GABRG2: variants seen among roughly 807,000 people sequenced by gnomAD.
GABRG2 encodes the protein gamma-aminobutyric acid type A receptor subunit gamma2, also known as gamma-aminobutyric acid receptor subunit gamma-2.
GABRG2 carries 16 observed loss-of-function variants against 56.4 expected under a neutral mutation model. The ratio of observed to expected loss-of-function variants is 0.28; its 90% CI spans 0.19 to 0.43. GABRG2 has a LOEUF of 0.43. Among genes scored for constraint, GABRG2 ranks in the 20% least tolerant of loss-of-function variants. The probability of loss-of-function intolerance (pLI) is 1.00; values close to 1 mark genes in which losing one functional copy is unlikely to be tolerated. For synonymous variants in GABRG2, 208 were observed against 205.5 expected, an observed-to-expected ratio of 1.01 and a Z score of -0.10; for missense variants, 327 against 582.7, an observed-to-expected ratio of 0.56 and a Z score of 4.52.
intron 6 of GABRG2, among the ~76,000 whole-genome samples, chr5:162,105,814 T>TACACACACACACAC (rs67276484): frequency 0.014 from 2,024 of 147,546 alleles, 53 homozygotes; most frequent in African/African-American, 0.047. Context: ...AGAAAACACA[T>TACACACACACACAC]ACACACACAC....
chr5:162,146,944 G>A (rs1402061225), intron 7 of GABRG2, among the ~76,000 whole-genome samples: 1 of 152,210 alleles, frequency 6.6e-6, no homozygotes, highest in Admixed American at 6.5e-5. Context: ...TCTTGGAAAT[G>A]TAGCTGAACT....
intron 6 of GABRG2, among the ~76,000 whole-genome samples, chr5:162,107,013 G>A (rs59516572): frequency 0.13 from 19,258 of 151,844 alleles, 1,335 homozygotes; most frequent in African/African-American, 0.18. Context: ...CCCAACCTCT[G>A]CCTTCCCAAA....
In GABRG2 at chr5:162,154,229, T is replaced by A. The variant is rs1765568845; in HGVS notation, c.*861T>A. 6.6e-6 allele frequency: 1 copy of A among 152,128 alleles called. No individual in the cohort carries two copies. The highest frequency in any genetic ancestry group is 2.4e-5 in the African/African-American group (1 of 41,460). The allele number at this position is 152,128 out of a possible 1,614,324, so 9.4% of individuals were successfully genotyped here. ...ATTTCATAACTAGAGTATAAAGTAA[T>A]TGTATGTGCTTGCCGCTATTTTTTT... On this transcript the variant is annotated 3_prime_UTR_variant, in exon 10 of 10. Coordinates refer to ENST00000639213, the MANE Select transcript of GABRG2 (RefSeq NM_198904.4).
At chr5:162,100,159 T>C (rs1761308532) in intron 4 of GABRG2, 1 of 152,092 alleles carries the variant, frequency 6.6e-6, no homozygotes, top group Admixed American at 6.6e-5. Context: ...ATAATAATAC[T>C]TATTAAATGA....
At chr5:162,140,178 C>T (rs1764451122) in intron 6 of GABRG2, among the ~76,000 whole-genome samples, 1 of 152,188 alleles carries the variant, frequency 6.6e-6, no homozygotes, top group Admixed American at 6.5e-5. Flanking sequence ...TCTTTAGGCA[C>T]AGTTGCTAGA....
chr5:162,131,381 T>C (rs1287849622), intron 6 of GABRG2, among the ~76,000 whole-genome samples: 1 of 152,052 alleles, frequency 6.6e-6, no homozygotes, highest in African/African-American at 2.4e-5. Flanking sequence ...CAAATGTTCC[T>C]GATTGAAGAA....
At chr5:162,072,363 TC>T (rs2113118929) in intron 1 of GABRG2, among the ~76,000 whole-genome samples, 1 of 152,116 alleles carries the variant, frequency 6.6e-6, no homozygotes, top group Non-Finnish European at 1.5e-5. Flanking sequence ...TACATACTTA[TC>T]GTTCTCCAAA....
intron 5 of GABRG2, chr5:162,103,650 G>A (rs1761599460): frequency 3.7e-6 from 2 of 542,158 alleles, no homozygotes; most frequent in South Asian, 4.1e-5. Flanking sequence ...TACCTTCTAT[G>A]TCATTTAAAT....
chr5:162,101,773 A>G (rs1761436631), intron 5 of GABRG2: 4 of 165,338 alleles, frequency 2.4e-5, no homozygotes, highest in African/African-American at 9.6e-5. Flanking sequence ...TACTTGACAC[A>G]CATAAGATCA....
chr5:162,148,602 C>A (rs576190313), intron 7 of GABRG2, among the ~76,000 whole-genome samples: 1 of 152,190 alleles, frequency 6.6e-6, no homozygotes, highest in East Asian at 1.9e-4. Flanking sequence ...TCCCCTTGTC[C>A]CTTCCCAGGT....
intron 6 of GABRG2, among the ~76,000 whole-genome samples, chr5:162,136,590 A>G (rs1213659113): frequency 6.6e-6 from 1 of 152,024 alleles, no homozygotes; most frequent in Admixed American, 6.6e-5. Flanking sequence ...ATAAAGATGG[A>G]AAAATCATAG....
chr5:162,072,943 A>G lies in GABRG2; in HGVS notation c.107+4837A>G, dbSNP rs369172997. ...AATAACTTGGGTTTTTAGATCTGTC[A>G]ATATTATCTTATGTGTTTTTTTAAT... On this transcript the variant is annotated intron_variant, in intron 1 of 9. Transcript: ENST00000639213. Among the ~76,000 whole-genome samples, 3 of 151,976 alleles carry G rather than the reference A, an allele frequency of 2.0e-5. No individual in the cohort carries two copies. The East Asian group carries it at 5.8e-4, about 29-fold the overall frequency.
At chr5:162,105,843 A>ACACC (rs1231359602) in intron 6 of GABRG2, among the ~76,000 whole-genome samples, 5 of 150,650 alleles carry the variant, frequency 3.3e-5, no homozygotes, top group Non-Finnish European at 5.9e-5. Flanking sequence ...ACACACACAC[A>ACACC]CCACGTAAAA....
chr5:162,084,473 C>T (rs1332133011), intron 1 of GABRG2, among the ~76,000 whole-genome samples: 1 of 151,860 alleles, frequency 6.6e-6, no homozygotes, highest in Non-Finnish European at 1.5e-5. Flanking sequence ...CTATCATACT[C>T]TCTTGCAGTA....
chr5:162,101,110 A>T, intron 4 of GABRG2, 125 bp from the exon 5 acceptor site: 1 of 727,360 alleles, frequency 1.4e-6, no homozygotes, highest in Non-Finnish European at 2.4e-6. Context: ...TTCATTGGGG[A>T]TCACTCTGTG....
chr5:162,069,699 T>G (rs573844105), intron 1 of GABRG2, among the ~76,000 whole-genome samples: 3 of 152,346 alleles, frequency 2.0e-5, no homozygotes, highest in Admixed American at 2.0e-4. Context: ...TCAGTAGCTT[T>G]CTCAGAATAT....
intron 6 of GABRG2, among the ~76,000 whole-genome samples, chr5:162,138,505 G>A (rs1225295637): frequency 6.6e-6 from 1 of 152,112 alleles, no homozygotes; most frequent in Non-Finnish European, 1.5e-5. Flanking sequence ...AATCAGTTAT[G>A]AGGCCCCCTA....
chr5:162,144,256 G>A (rs1422136628), intron 7 of GABRG2, among the ~76,000 whole-genome samples: 1 of 152,158 alleles, frequency 6.6e-6, no homozygotes, highest in Non-Finnish European at 1.5e-5. Flanking sequence ...TATGGCTGGA[G>A]CAAATACATT....
At chr5:162,086,189 TTA>T (rs1298977643) in intron 1 of GABRG2, among the ~76,000 whole-genome samples, 3 of 152,064 alleles carry the variant, frequency 2.0e-5, no homozygotes, top group African/African-American at 7.2e-5. Flanking sequence ...CCTTTTAGTA[TTA>T]ACTGTAATTG....
Sources: gnomAD v4.1 joint callset for allele counts (sites outside exome capture counted in the v4.1 genomes callset) on GRCh38, gnomAD v4.1.1 for gene constraint, MANE v1.5 for transcripts, NCBI Gene and HGNC (gene_info 2026-07-23, HGNC 2026-07-21) for gene names.